The following SAMD4A variants were observed in gnomAD, a reference collection of about 807,000 sequenced individuals.
SAMD4A encodes protein Smaug homolog 1.
In SAMD4A, 33 loss-of-function variants were observed where a neutral mutation model predicts 81.3. The ratio of observed to expected loss-of-function variants is 0.41; its 90% CI spans 0.31 to 0.54. The LOEUF (loss-of-function observed/expected upper bound fraction) is 0.54, where lower values mean the gene tolerates loss of function less well. Among genes scored for constraint, SAMD4A ranks in the 20% least tolerant of loss-of-function variants. SAMD4A has a pLI of 0.37. For missense variants in SAMD4A, 854 were observed against 951.1 expected, an observed-to-expected ratio of 0.90 and a Z score of 1.34; for synonymous variants, 389 against 382.1, an observed-to-expected ratio of 1.02 and a Z score of -0.21.
At chr14:54,708,069 T>C (rs993146842) in intron 3 of SAMD4A, among the ~76,000 whole-genome samples, 6 of 152,130 alleles carry the variant, frequency 3.9e-5, no homozygotes, top group African/African-American at 1.4e-4. Context: ...TAAGAATAGA[T>C]AGGGCAAGGA....
At chr14:54,765,173 G>T (rs1349683858) in intron 8 of SAMD4A, among the ~76,000 whole-genome samples, 1 of 152,152 alleles carries the variant, frequency 6.6e-6, no homozygotes, top group Non-Finnish European at 1.5e-5. Context: ...CATGTAGGGA[G>T]AGGGAGTTGC....
chr14:54,622,509 C>T (rs1455554366), intron 2 of SAMD4A, among the ~76,000 whole-genome samples: 1 of 152,212 alleles, frequency 6.6e-6, no homozygotes, highest in Non-Finnish European at 1.5e-5. Flanking sequence ...TTGGGTAATT[C>T]TGCTTTGGCA....
chr14:54,592,237 T>C (rs1265873562), intron 2 of SAMD4A, among the ~76,000 whole-genome samples: 1 of 152,216 alleles, frequency 6.6e-6, no homozygotes, highest in Non-Finnish European at 1.5e-5. Context: ...GAGTACCTTA[T>C]GTTTAAGTTG....
intron 2 of SAMD4A, among the ~76,000 whole-genome samples, chr14:54,666,008 T>C (rs1369867931): frequency 6.6e-6 from 1 of 152,188 alleles, no homozygotes; most frequent in African/African-American, 2.4e-5. Flanking sequence ...ATTGCTTCTA[T>C]GTTGTTCAGG....
intron 3 of SAMD4A, among the ~76,000 whole-genome samples, chr14:54,735,369 T>C (rs1213513954): frequency 6.6e-6 from 1 of 152,222 alleles, no homozygotes; most frequent in Admixed American, 6.5e-5. Flanking sequence ...AGTGTCGATA[T>C]TTTTTAAACA....
intron 2 of SAMD4A, among the ~76,000 whole-genome samples, chr14:54,660,991 T>G (rs1041542146): frequency 2.0e-5 from 3 of 152,228 alleles, no homozygotes; most frequent in Non-Finnish European, 4.4e-5. Context: ...ACCTATGGAC[T>G]TGATCAGTGA....
rs575554518 is a variant in SAMD4A, at chr14:54,586,173, C to T, written c.196+18061C>T. On this transcript the variant is annotated intron_variant, in intron 2 of 12. Coordinates refer to ENST00000554335, the MANE Select transcript of SAMD4A (RefSeq NM_015589.6). The stretch of plus-strand genomic sequence containing the variant: ...GCATTGTGGTTTTGCTTTGCACTTC[C>T]CTGGTAATTAGTGATGTTGAGCATT... Among the ~76,000 whole-genome samples the T allele has an allele frequency of 2.6e-5, 4 of 152,152 alleles. No individual in the cohort carries two copies. The East Asian group carries it at 7.7e-4, about 29-fold the overall frequency.
intron 2 of SAMD4A, among the ~76,000 whole-genome samples, chr14:54,612,989 C>T (rs2034397785): frequency 6.6e-6 from 1 of 152,030 alleles, no homozygotes; most frequent in East Asian, 1.9e-4. Context: ...TGGTGGCATG[C>T]ACCTGTAGTC....
At position 54,775,074 on chromosome 14, in the gene SAMD4A, T is replaced by C; in HGVS notation, c.1856T>C (p.Phe619Ser). ...ARLGLLGTSG[F>S]VSSNQRNTTA... ...CTGGGCCTCTTGGGCACCAGTGGAT[T>C]CGTCAGCTCCAACCAGCGCAACACC... is the stretch of plus-strand genomic sequence containing the variant. Residue 619 changes from phenylalanine to serine, a missense_variant, in exon 10 of 13, where the codon TTC becomes TCC. Around this residue, in one of 3 missense-constraint regions of SAMD4A, gnomAD observed 428 missense variants for 471.2 expected, o/e 0.91. Coordinates refer to ENST00000554335, the MANE Select transcript of SAMD4A (RefSeq NM_015589.6). 1 of 1,614,156 alleles carries C rather than the reference T, an allele frequency of 6.2e-7. No individual in the cohort carries two copies. The highest frequency in any genetic ancestry group is 8.5e-7 in the Non-Finnish European group (1 of 1,180,034).
chr14:54,714,670 G>C (rs941733258), intron 3 of SAMD4A, among the ~76,000 whole-genome samples: 2 of 152,122 alleles, frequency 1.3e-5, no homozygotes, highest in Non-Finnish European at 2.9e-5. Flanking sequence ...ATTTAAGGGT[G>C]GTTGTGAGGA....
intron 3 of SAMD4A, among the ~76,000 whole-genome samples, chr14:54,731,272 G>A (rs184155801): frequency 6.6e-6 from 1 of 152,308 alleles, no homozygotes; most frequent in African/African-American, 2.4e-5. Flanking sequence ...AGAATTATAT[G>A]CTGTGAAGCC....
intron 2 of SAMD4A, among the ~76,000 whole-genome samples, chr14:54,621,969 T>A (rs2358882): frequency 0.055 from 8,445 of 152,190 alleles, 785 homozygotes; most frequent in African/African-American, 0.19. Flanking sequence ...TCATATTATA[T>A]GAAATTTAGG....
At chr14:54,653,582 C>T (rs556252330) in intron 2 of SAMD4A, among the ~76,000 whole-genome samples, 3 of 151,934 alleles carry the variant, frequency 2.0e-5, no homozygotes, top group African/African-American at 4.8e-5. Context: ...TCAAGTGATC[C>T]ACCCACCTTG....
chr14:54,697,676 A>G (rs760850383), intron 2 of SAMD4A, among the ~76,000 whole-genome samples: 3 of 152,222 alleles, frequency 2.0e-5, no homozygotes, highest in Non-Finnish European at 2.9e-5. Context: ...CTAGAGGGAC[A>G]GTTGGATAGT....
chr14:54,739,681 T>C (rs1015566709), intron 4 of SAMD4A, among the ~76,000 whole-genome samples: 19 of 152,186 alleles, frequency 1.2e-4, no homozygotes, highest in African/African-American at 3.9e-4. Flanking sequence ...ATTTGTTCAA[T>C]AGAAATGTCC....
chr14:54,623,978 C>T (rs1166152327), intron 2 of SAMD4A, among the ~76,000 whole-genome samples: 1 of 152,010 alleles, frequency 6.6e-6, no homozygotes, highest in Admixed American at 6.6e-5. Context: ...TTATTTAATT[C>T]CTTTTTTTTT....
intron 12 of SAMD4A, among the ~76,000 whole-genome samples, chr14:54,785,225 TGCCCAA>T (rs1249782898): frequency 6.6e-6 from 1 of 152,236 alleles, no homozygotes; most frequent in Non-Finnish European, 1.5e-5. Flanking sequence ...GCACGTCCAC[TGCCCAA>T]GCCCAGAATG....
chr14:54,682,224 C>T (rs938715368), intron 2 of SAMD4A, among the ~76,000 whole-genome samples: 1 of 152,132 alleles, frequency 6.6e-6, no homozygotes, highest in African/African-American at 2.4e-5. Flanking sequence ...CGTCACATTC[C>T]CCTGACTCAA....
chr14:54,650,632 C>G (rs2140421434), intron 2 of SAMD4A, among the ~76,000 whole-genome samples: 1 of 152,280 alleles, frequency 6.6e-6, no homozygotes, highest in Admixed American at 6.5e-5. Flanking sequence ...GCTGAGAAGC[C>G]AAAATATGCC....
Sources: allele counts gnomAD v4.1 joint callset (sites outside exome capture counted in the v4.1 genomes callset), GRCh38; gene constraint gnomAD v4.1.1; regional missense constraint gnomAD v4.1.1; transcripts MANE v1.5; gene names NCBI Gene and HGNC (gene_info 2026-07-23, HGNC 2026-07-21).